KCND2: variants seen among roughly 807,000 people sequenced by gnomAD.
The protein encoded by KCND2 is potassium voltage-gated channel subfamily D member 2.
Under a neutral mutation model 54.4 loss-of-function variants are expected in KCND2, and 16 were observed. That is an observed-to-expected ratio of 0.29 (90% confidence interval 0.20 to 0.45). KCND2 has a LOEUF of 0.45. Ranked by LOEUF, KCND2 falls within the 20% of genes least tolerant of loss-of-function variation. The probability of loss-of-function intolerance (pLI) is 1.00; values close to 1 mark genes in which losing one functional copy is unlikely to be tolerated. For synonymous variants in KCND2, 317 were observed against 310.7 expected (o/e 1.02, Z -0.21); for missense variants, 486 against 824.2 (o/e 0.59, Z 5.02).
At chr7:120,614,255 C>A (rs544687809) in intron 1 of KCND2, among the ~76,000 whole-genome samples, 2 of 152,140 alleles carry the variant, frequency 1.3e-5, no homozygotes, top group Non-Finnish European at 2.9e-5. Context: ...TCAGGTGAGC[C>A]GCCCTCCTTG....
chr7:120,299,208 AT>A (rs1799552665), intron 1 of KCND2, among the ~76,000 whole-genome samples: 1 of 152,176 alleles, frequency 6.6e-6, no homozygotes, highest in Non-Finnish European at 1.5e-5. Context: ...AAAGTATATC[AT>A]TTAGTCTTGC....
chr7:120,423,037 C>G (rs1016359332), intron 1 of KCND2, among the ~76,000 whole-genome samples: 3 of 152,218 alleles, frequency 2.0e-5, no homozygotes, highest in African/African-American at 7.2e-5. Context: ...CTTCTCTCAG[C>G]AGCTCATGAT....
intron 1 of KCND2, among the ~76,000 whole-genome samples, chr7:120,325,881 C>T (rs1799967051): frequency 6.6e-6 from 1 of 152,026 alleles, no homozygotes; most frequent in South Asian, 2.1e-4. Context: ...CCTGTATTCA[C>T]AGCAGGAGAA....
chr7:120,541,376 A>T (rs1791977658), intron 1 of KCND2, among the ~76,000 whole-genome samples: 1 of 150,732 alleles, frequency 6.6e-6, no homozygotes. Context: ...GACTATATTT[A>T]TTAAGATAAT....
chr7:120,377,149 A>G (rs950182268), intron 1 of KCND2, among the ~76,000 whole-genome samples: 1 of 151,992 alleles, frequency 6.6e-6, no homozygotes, highest in Non-Finnish European at 1.5e-5. Flanking sequence ...CTTGTATAAA[A>G]GTTAATTTTG....
intron 1 of KCND2, among the ~76,000 whole-genome samples, chr7:120,509,990 C>T (rs1260893096): frequency 6.6e-6 from 1 of 152,024 alleles, no homozygotes; most frequent in Non-Finnish European, 1.5e-5. Flanking sequence ...GCCACAAGAC[C>T]CTACAGGAAG....
chr7:120,344,296 A>G (rs1800281281), intron 1 of KCND2, among the ~76,000 whole-genome samples: 1 of 152,184 alleles, frequency 6.6e-6, no homozygotes, highest in Non-Finnish European at 1.5e-5. Flanking sequence ...GAACTGAACC[A>G]GACAAGATAA....
chr7:120,707,823 A>T (rs1220495983), intron 1 of KCND2, among the ~76,000 whole-genome samples: 1 of 152,018 alleles, frequency 6.6e-6, no homozygotes, highest in African/African-American at 2.4e-5. Flanking sequence ...AGAACTACTG[A>T]TAAGGTAGGC....
At chr7:120,728,322 G>A (rs565849743) in intron 1 of KCND2, among the ~76,000 whole-genome samples, 3 of 141,668 alleles carry the variant, frequency 2.1e-5, no homozygotes, top group Non-Finnish European at 3.0e-5. Context: ...ATGGAGTCTC[G>A]CTCTTGTTGC....
chr7:120,485,247 A>G (rs553497071), intron 1 of KCND2, among the ~76,000 whole-genome samples: 86 of 152,270 alleles, frequency 5.6e-4, no homozygotes, highest in African/African-American at 1.9e-3. Context: ...TGAGTTTAGT[A>G]TGATATTAAT....
chr7:120,321,480 G>A (rs936419904), intron 1 of KCND2, among the ~76,000 whole-genome samples: 1 of 152,096 alleles, frequency 6.6e-6, no homozygotes, highest in African/African-American at 2.4e-5. Context: ...AACATAATTT[G>A]TCTAAGGGCT....
intron 1 of KCND2, among the ~76,000 whole-genome samples, chr7:120,317,027 A>G (rs1442039483): frequency 1.3e-5 from 2 of 151,932 alleles, no homozygotes; most frequent in African/African-American, 2.4e-5. Flanking sequence ...AGTAGAGACT[A>G]GGTTTCACCC....
At chr7:120,339,021 T>C (rs1205136214) in intron 1 of KCND2, among the ~76,000 whole-genome samples, 15 of 151,544 alleles carry the variant, frequency 9.9e-5, no homozygotes, top group Admixed American at 9.9e-4. Flanking sequence ...GCTGGGACTA[T>C]AGGCACCTGC....
At chr7:120,513,513 T>A (rs1803150909) in intron 1 of KCND2, among the ~76,000 whole-genome samples, 1 of 152,152 alleles carries the variant, frequency 6.6e-6, no homozygotes, top group Non-Finnish European at 1.5e-5. Context: ...AACAAATTAT[T>A]GGACTGATTT....
At chr7:120,282,125 A>G (rs1484811129) in intron 1 of KCND2, among the ~76,000 whole-genome samples, 1 of 152,124 alleles carries the variant, frequency 6.6e-6, no homozygotes, top group African/African-American at 2.4e-5. Context: ...ATGCTTCATG[A>G]TATAGGTGAA....
chr7:120,549,771 C>G (rs552655311), intron 1 of KCND2, among the ~76,000 whole-genome samples: 1 of 152,170 alleles, frequency 6.6e-6, no homozygotes, highest in South Asian at 2.1e-4. Context: ...ATCCCATTAG[C>G]ATTAATGGGA....
At chr7:120,629,378 C>CT (rs1584860686) in intron 1 of KCND2, among the ~76,000 whole-genome samples, 1 of 152,008 alleles carries the variant, frequency 6.6e-6, no homozygotes, top group East Asian at 1.9e-4. Context: ...CCCAGCTACT[C>CT]AAGAGGCTGA....
At position 120,650,486 on chromosome 7, in the gene KCND2, C is replaced by T. The variant is rs1176120026; in HGVS notation, c.1116-82417C>T. Among the ~76,000 whole-genome samples, 7 of 143,020 alleles carry T rather than the reference C, an allele frequency of 4.9e-5. 1 individual carries two copies. Among genetic ancestry groups the T allele is most frequent in the Non-Finnish European group, 1.1e-4 (7 of 65,960 alleles). 93.8% of individuals were successfully genotyped at this position (143,020 alleles called of 152,430 possible). A position where few individuals can be genotyped will look rare whatever the true frequency, so the allele number is the denominator to read the frequency against. On this transcript the variant is annotated intron_variant, in intron 1 of 5. Coordinates refer to ENST00000331113, the MANE Select transcript of KCND2 (RefSeq NM_012281.3). ...TCCATCAGGTCATTTAAGGACTTCT[C>T]TACACTGATTATTCTAGTTAGCCAT...
chr7:120,632,886 A>T (rs1793255571), intron 1 of KCND2, among the ~76,000 whole-genome samples: 1 of 152,206 alleles, frequency 6.6e-6, no homozygotes, highest in African/African-American at 2.4e-5. Context: ...GGTGGTCTAG[A>T]GTCTGTTTGC....
Sources: allele counts gnomAD v4.1 joint callset (sites outside exome capture counted in the v4.1 genomes callset), GRCh38; gene constraint gnomAD v4.1.1; transcripts MANE v1.5; gene names NCBI Gene and HGNC (gene_info 2026-07-23, HGNC 2026-07-21).